Variants in COPB1 observed in about 807,000 individuals in gnomAD.
The protein encoded by COPB1 is coat protein complex I subunit beta 1, also known as coatomer subunit beta.
In COPB1, 21 loss-of-function variants were observed where a neutral mutation model predicts 108.7. That is an observed-to-expected ratio of 0.19 (90% CI 0.14 to 0.28). The LOEUF is 0.28. COPB1 is among the 10% of genes least tolerant of loss of function. The probability of loss-of-function intolerance (pLI) is 1.00; values close to 1 mark genes in which losing one functional copy is unlikely to be tolerated. For synonymous variants in COPB1, 378 were observed against 386.8 expected (o/e 0.98, Z 0.27); for missense variants, 919 against 1,141.3 (o/e 0.81, Z 2.81).
At chr11:14,486,676 A>G (rs929877834) in intron 6 of COPB1, among the ~76,000 whole-genome samples, 172 bp from the exon 7 acceptor site, 1 of 152,204 alleles carries the variant, frequency 6.6e-6, no homozygotes, top group African/African-American at 2.4e-5. Flanking sequence ...ACTATGACAC[A>G]ACATCAGTAA....
intron 16 of COPB1, 91 bp downstream of exon 16, chr11:14,468,590 A>C: frequency 3.1e-6 from 4 of 1,294,894 alleles, no homozygotes; most frequent in Non-Finnish European, 4.3e-6. Flanking sequence ...GACTTGACAA[A>C]ATAGTTATCT....
At position 14,483,098 on chromosome 11, in the gene COPB1, T is replaced by C. The variant is rs961208088; in HGVS notation, c.891A>G (p.Val297=). The change falls in exon 8 of 22, where the codon GTA becomes GTG. Residue 297 remains valine, a synonymous_variant. Transcript: ENST00000439561. ...DLIIKESDNN[V]KLIVLDRLIE... is the part of the protein sequence containing the mutation. Reference sequence around the variant, plus strand: ...TCAAGCGATCCAAAACTATGAGTTTTACATTGTTGTCGCTCTCCTTAATAA... The same window carrying C: ...TCAAGCGATCCAAAACTATGAGTTTCACATTGTTGTCGCTCTCCTTAATAA... The C allele has an allele frequency of 8.8e-6, 14 of 1,592,548 alleles. No homozygotes were observed. The highest frequency in any genetic ancestry group is 3.4e-6 in the Non-Finnish European group (4 of 1,163,134).
intron 11 of COPB1, among the ~76,000 whole-genome samples, chr11:14,477,574 C>T (rs1850555943): frequency 6.6e-6 from 1 of 150,960 alleles, no homozygotes; most frequent in South Asian, 2.1e-4. Flanking sequence ...CATCTGTAAT[C>T]CCAGCTATTG....
intron 4 of COPB1, among the ~76,000 whole-genome samples, chr11:14,491,039 T>C (rs1850888361): frequency 6.6e-6 from 1 of 152,006 alleles, no homozygotes; most frequent in African/African-American, 2.4e-5. Context: ...TTTGCCCACC[T>C]TGGCCTCCAA....
At chr11:14,485,296 C>A (rs1380060918) in intron 7 of COPB1, among the ~76,000 whole-genome samples, 2 of 151,956 alleles carry the variant, frequency 1.3e-5, no homozygotes, top group Non-Finnish European at 2.9e-5. Flanking sequence ...TACTGGGACT[C>A]CAGGCATGCA....
At chr11:14,474,125 C>T (rs1850466700) in intron 14 of COPB1, 1 of 166,608 alleles carries the variant, frequency 6.0e-6, no homozygotes, top group East Asian at 1.6e-4. Flanking sequence ...ACTTAAGAGA[C>T]ATTCTGGGAT....
chr11:14,472,351 T>C (rs1382531777), intron 14 of COPB1, among the ~76,000 whole-genome samples: 5 of 152,232 alleles, frequency 3.3e-5, no homozygotes, highest in Non-Finnish European at 7.3e-5. Flanking sequence ...AATGGTGAGC[T>C]TAAAATACTT....
In COPB1 at chr11:14,457,795, G is replaced by C; in HGVS notation, c.*29C>G. 1 of 1,440,170 alleles carries C rather than the reference G, an allele frequency of 6.9e-7. No individual in the cohort carries two copies. Among genetic ancestry groups the C allele is most frequent in the East Asian group, 2.3e-5 (1 of 43,632 alleles). 89.2% of individuals were successfully genotyped at this position (1,440,170 alleles called of 1,614,324 possible). ...CAGTAAGCCCATACCTAAATTAACTGTAAAGCTTCAAGGACTTTTTGTTTA... is the reference window on the plus strand; with the variant it reads ...CAGTAAGCCCATACCTAAATTAACTCTAAAGCTTCAAGGACTTTTTGTTTA... On this transcript the variant is annotated 3_prime_UTR_variant, in exon 22 of 22. Coordinates refer to ENST00000439561, the MANE Select transcript of COPB1 (RefSeq NM_001144061.2).
chr11:14,491,499 A>T (rs1850901844), intron 4 of COPB1, among the ~76,000 whole-genome samples: 1 of 152,120 alleles, frequency 6.6e-6, no homozygotes, highest in African/African-American at 2.4e-5. Flanking sequence ...GAGAAACTCC[A>T]TCTCTACTAA....
intron 2 of COPB1, among the ~76,000 whole-genome samples, chr11:14,498,502 G>A (rs913111142): frequency 1.3e-5 from 2 of 152,136 alleles, no homozygotes; most frequent in African/African-American, 4.8e-5. Context: ...AGTGCACGAT[G>A]GAATTAAGAT....
At chr11:14,494,836 T>C (rs1850981712) in intron 2 of COPB1, 1 of 156,174 alleles carries the variant, frequency 6.4e-6, no homozygotes, top group East Asian at 1.9e-4. Flanking sequence ...TAGCTATTTG[T>C]GTGCATTTTA....
intron 7 of COPB1, 102 bp from the exon 8 acceptor site, chr11:14,483,253 CA>C (rs1850702823): frequency 4.5e-6 from 3 of 661,756 alleles, no homozygotes; most frequent in African/African-American, 3.6e-5. Flanking sequence ...CACACACACA[CA>C]CACACTCCCA....
At chr11:14,485,506 A>C (rs1850749519) in intron 7 of COPB1, among the ~76,000 whole-genome samples, 1 of 152,178 alleles carries the variant, frequency 6.6e-6, no homozygotes, top group Non-Finnish European at 1.5e-5. Context: ...TTAACTACTA[A>C]TAACCTACTG....
Position 14,468,843 on chromosome 11 carries a change from C to A in COPB1, c.1983G>T (p.Arg661Ser). 6.2e-7 allele frequency: 1 copy of A among 1,613,698 alleles called. No individual in the cohort carries two copies. Among genetic ancestry groups the A allele is most frequent in the African/African-American group, 1.3e-5 (1 of 75,028 alleles). ...GGTCATCAGGCTGTACTGTCACATT[C>A]CTCTTTTCAGATTCTTTCTGTGTTG... ...KLSQKKESEK[R>S]NVTVQPDDPI... The change falls in exon 16 of 22, where the codon AGG becomes AGT. Residue 661 changes from arginine to serine, a missense_variant. By Grantham distance (110) the Arg-to-Ser change is moderately radical. Coordinates refer to ENST00000439561, the MANE Select transcript of COPB1 (RefSeq NM_001144061.2).
intron 8 of COPB1, among the ~76,000 whole-genome samples, chr11:14,481,444 T>C (rs576933766): frequency 6.6e-6 from 1 of 152,196 alleles, no homozygotes; most frequent in Admixed American, 6.5e-5. Flanking sequence ...ATAGTATTAC[T>C]GGTCTGGTCT....
At chr11:14,492,555 C>A (rs1205507568) in intron 4 of COPB1, among the ~76,000 whole-genome samples, 2 of 151,876 alleles carry the variant, frequency 1.3e-5, no homozygotes, top group Admixed American at 6.6e-5. Context: ...GTTGGTCAGG[C>A]TGGTCTCGAA....
intron 14 of COPB1, 149 bp from the exon 15 acceptor site, chr11:14,469,712 T>A (rs1450272851): frequency 1.4e-6 from 1 of 694,670 alleles, no homozygotes; most frequent in Non-Finnish European, 2.4e-6. Context: ...TGTTTTTGCA[T>A]TCTTCTCCTT....
chr11:14,488,491 C>T lies in COPB1; in HGVS notation c.699+1G>A. 6.3e-7 allele frequency: 1 copy of T among 1,590,502 alleles called. No individual in the cohort carries two copies. The highest frequency in any genetic ancestry group is 8.6e-7 in the Non-Finnish European group (1 of 1,163,280). Reference sequence around the variant, plus strand: ...TACTCATCATAGATTATCATTCTTACCTTATAAATCAGTTCAACAATAACC... The same window carrying T: ...TACTCATCATAGATTATCATTCTTATCTTATAAATCAGTTCAACAATAACC... On this transcript the variant is annotated splice_donor_variant, in intron 6 of 21. Transcript: ENST00000439561. LOFTEE classifies it high-confidence loss of function.
chr11:14,486,272 A>G, intron 7 of COPB1, 95 bp downstream of exon 7: 1 of 1,403,480 alleles, frequency 7.1e-7, no homozygotes, highest in Non-Finnish European at 9.9e-7. Context: ...TCTCTGTGCC[A>G]TGTAACCACA....
Sources: gnomAD v4.1 joint callset for allele counts (sites outside exome capture counted in the v4.1 genomes callset) on GRCh38, gnomAD v4.1.1 for gene constraint, MANE v1.5 for transcripts, NCBI Gene and HGNC (gene_info 2026-07-23, HGNC 2026-07-21) for gene names.